AOPEP: variants seen among roughly 807,000 people sequenced by gnomAD.
AOPEP encodes the protein aminopeptidase O (putative).
AOPEP carries 77 observed loss-of-function variants against 98.1 expected under a neutral mutation model. That is an observed-to-expected ratio of 0.78 (90% CI 0.65 to 0.95). The LOEUF (loss-of-function observed/expected upper bound fraction) is 0.95, where lower values mean the gene tolerates loss of function less well. Among genes scored for constraint, AOPEP ranks in the 40% least tolerant of loss-of-function variants. AOPEP has a pLI of 0.00. For missense variants in AOPEP, 1,024 were observed against 1,024.7 expected (o/e 1.00, Z 0.01); for synonymous variants, 346 against 365.3 (o/e 0.95, Z 0.60).
chr9:94,747,964 G>C (rs1256455682), intron 1 of AOPEP, among the ~76,000 whole-genome samples: 1 of 152,080 alleles, frequency 6.6e-6, no homozygotes, highest in Non-Finnish European at 1.5e-5. Flanking sequence ...AAAAAAATAG[G>C]AAATTCCAAT....
rs1276391960 is a variant in AOPEP, at chr9:95,005,148, TC to T, written c.1978-5del. 1.1e-5 allele frequency: 12 copies of T among 1,139,874 alleles called. No homozygotes were observed. Among genetic ancestry groups the T allele is most frequent in the Admixed American group, 3.8e-5 (1 of 26,278 alleles). The allele number at this position is 1,139,874 out of a possible 1,614,324, so 70.6% of individuals were successfully genotyped here. A position where few individuals can be genotyped will look rare whatever the true frequency, so the allele number is the denominator to read the frequency against. The stretch of plus-strand genomic sequence containing the variant: ...CGCGGTAAACTTGACTGTGTCCTCT[TC>T]CCCCGCAGCCGCTGCAGAGGGAGCG... On this transcript the variant is annotated splice_polypyrimidine_tract_variant and intron_variant, in intron 11 of 16. Coordinates refer to ENST00000375315, the MANE Select transcript of AOPEP (RefSeq NM_001193329.3).
At chr9:94,760,615 G>A (rs760299708) in intron 2 of AOPEP, 35 bp downstream of exon 2, 2 of 1,492,162 alleles carry the variant, frequency 1.3e-6, no homozygotes, top group Non-Finnish European at 1.8e-6. Flanking sequence ...CCCTGTGCCT[G>A]TTAATCTTGT....
intron 7 of AOPEP, among the ~76,000 whole-genome samples, chr9:94,950,608 CA>C (rs1323723409): frequency 1.3e-5 from 2 of 152,226 alleles, no homozygotes; most frequent in African/African-American, 4.8e-5. Context: ...GTCCTGCTCT[CA>C]AAGCTGTCAA....
chr9:95,064,187 A>AT (rs1251175113), intron 14 of AOPEP, among the ~76,000 whole-genome samples: 1 of 152,046 alleles, frequency 6.6e-6, no homozygotes, highest in Non-Finnish European at 1.5e-5. Flanking sequence ...CTCCAGGTTG[A>AT]TTGGAAATGG....
intron 14 of AOPEP, among the ~76,000 whole-genome samples, chr9:95,063,565 G>A (rs1459833421): frequency 1.3e-5 from 2 of 152,246 alleles, no homozygotes; most frequent in Admixed American, 6.5e-5. Context: ...CTCCCCCTGT[G>A]TTGTTTTGCT....
intron 2 of AOPEP, among the ~76,000 whole-genome samples, chr9:94,771,971 G>T (rs1840992375): frequency 6.6e-6 from 1 of 152,058 alleles, no homozygotes; most frequent in African/African-American, 2.4e-5. Flanking sequence ...TTCCATACTA[G>T]ACCCTGACTG....
chr9:95,089,694 G>T (rs186393596), downstream of AOPEP, among the ~76,000 whole-genome samples: 77 of 152,328 alleles, frequency 5.1e-4, no homozygotes, highest in African/African-American at 1.8e-3. Context: ...CTGGGTGGGG[G>T]CACGGGCTGC....
At chr9:94,868,601 T>A (rs2045969982) in intron 5 of AOPEP, among the ~76,000 whole-genome samples, 1 of 152,184 alleles carries the variant, frequency 6.6e-6, no homozygotes, top group South Asian at 2.1e-4. Context: ...CATTGCTGCA[T>A]CAGATTTCAC....
At chr9:94,928,710 C>A in intron 7 of AOPEP, 179 bp downstream of exon 7, 1 of 532,522 alleles carries the variant, frequency 1.9e-6, no homozygotes, top group Non-Finnish European at 3.3e-6. Context: ...TTTCGATTTG[C>A]CTTCCGTCAT....
intron 5 of AOPEP, among the ~76,000 whole-genome samples, chr9:94,923,110 G>A (rs1303868334): frequency 6.6e-6 from 1 of 152,186 alleles, no homozygotes; most frequent in African/African-American, 2.4e-5. Flanking sequence ...TAGGAAGACT[G>A]TAAACAAGTC....
chr9:94,752,238 G>T (rs1835961422), intron 1 of AOPEP, among the ~76,000 whole-genome samples: 2 of 152,056 alleles, frequency 1.3e-5, no homozygotes, highest in Admixed American at 1.3e-4. Context: ...CCATTAAGTG[G>T]TATATCATAG....
the AOPEP span, among the ~76,000 whole-genome samples, chr9:95,141,032 G>A: frequency 3.3e-5 from 5 of 152,062 alleles, no homozygotes; most frequent in African/African-American, 1.2e-4. Flanking sequence ...GGATGTGGCT[G>A]GGCACAGTGT....
intron 5 of AOPEP, among the ~76,000 whole-genome samples, chr9:94,885,124 G>T: frequency 6.6e-6 from 1 of 151,908 alleles, no homozygotes; most frequent in Non-Finnish European, 1.5e-5. Flanking sequence ...TGAGGAGGGT[G>T]GATCACTTGA....
At chr9:94,898,863 A>G (rs2049961541) in intron 5 of AOPEP, among the ~76,000 whole-genome samples, 1 of 150,774 alleles carries the variant, frequency 6.6e-6, no homozygotes, top group South Asian at 2.1e-4. Context: ...GAATGGCGTG[A>G]ACTCGGGAGG....
chr9:94,969,651 C>T (rs1641519298), intron 10 of AOPEP, among the ~76,000 whole-genome samples: 2 of 152,206 alleles, frequency 1.3e-5, no homozygotes, highest in African/African-American at 4.8e-5. Flanking sequence ...TCGTGATCTG[C>T]CCGCCTCGGC....
chr9:94,974,245 C>A (rs2059702872), intron 10 of AOPEP, among the ~76,000 whole-genome samples: 1 of 152,202 alleles, frequency 6.6e-6, no homozygotes, highest in South Asian at 2.1e-4. Flanking sequence ...TCATCTTTCT[C>A]TCATAATTTA....
chr9:94,841,482 C>G (rs1244809177), intron 5 of AOPEP, among the ~76,000 whole-genome samples: 2 of 152,032 alleles, frequency 1.3e-5, no homozygotes, highest in East Asian at 3.9e-4. Context: ...CCACTCCACA[C>G]ATTTTGATAC....
At position 95,010,250 on chromosome 9, in the gene AOPEP, T is replaced by G. The variant is rs75583971; in HGVS notation, c.2115+4634T>G. Among the ~76,000 whole-genome samples, 182 of 152,350 alleles carry G rather than the reference T, an allele frequency of 1.2e-3. 7 individuals are homozygous for G. In the East Asian group the frequency reaches 0.03, roughly 25 times the overall value. ...CTATTTAACAAAGTACTGCTGTGTT[T>G]GTCTTTTGTTACAAAGGTATATTTT... On this transcript the variant is annotated intron_variant, in intron 13 of 16. Coordinates refer to ENST00000375315, the MANE Select transcript of AOPEP (RefSeq NM_001193329.3).
chr9:94,750,368 G>A (rs1165426627), intron 1 of AOPEP, among the ~76,000 whole-genome samples: 3 of 152,074 alleles, frequency 2.0e-5, no homozygotes, highest in African/African-American at 4.8e-5. Flanking sequence ...GGTGGATCAC[G>A]AGGTCAGGAG....
Sources: gnomAD v4.1 joint callset for allele counts (sites outside exome capture counted in the v4.1 genomes callset) on GRCh38, gnomAD v4.1.1 for gene constraint, MANE v1.5 for transcripts, NCBI Gene and HGNC (gene_info 2026-07-23, HGNC 2026-07-21) for gene names.